C2CD3: variants seen among roughly 807,000 people sequenced by gnomAD.
The protein encoded by C2CD3 is C2 domain-containing protein 3.
C2CD3 carries 148 observed loss-of-function variants against 234.0 expected under a neutral mutation model. The observed-to-expected ratio is 0.63, with a 90% confidence interval of 0.55 to 0.72. The LOEUF (loss-of-function observed/expected upper bound fraction) is 0.72. Among genes scored for constraint, C2CD3 ranks in the 30% least tolerant of loss-of-function variants. The pLI, the probability that C2CD3 is intolerant of heterozygous loss-of-function variation, is 0.00. For synonymous variants in C2CD3, 1,000 were observed against 1,035.4 expected (o/e 0.97, Z 0.66); for missense variants, 2,577 against 2,811.5 (o/e 0.92, Z 1.89).
Position 74,114,359 on chromosome 11 carries a change from T to C in C2CD3, c.1730+25A>G, listed in dbSNP as rs751838784. The C allele has an allele frequency of 3.9e-6, 6 of 1,550,778 alleles. No homozygotes were observed. The South Asian group carries it at 5.6e-5, about 15-fold the overall frequency. On this transcript the variant is annotated intron_variant, in intron 10 of 32. Transcript: ENST00000334126. ...ACACACTTTCCAAAAATGTCAAATT[T>C]AGCTTTCTCATGTTAGAGACATACC... is the stretch of plus-strand genomic sequence containing the variant.
At chr11:74,113,530 A>G (rs985015691) in intron 11 of C2CD3, 2 of 427,166 alleles carry the variant, frequency 4.7e-6, no homozygotes, top group East Asian at 1.0e-4. Context: ...AAATACAAAA[A>G]TTAGCTGGGT....
At chr11:74,140,464 C>T (rs929999191) in intron 3 of C2CD3, among the ~76,000 whole-genome samples, 2 of 152,086 alleles carry the variant, frequency 1.3e-5, no homozygotes, top group Non-Finnish European at 2.9e-5. Flanking sequence ...TACTACAGGC[C>T]AGTAACTGTG....
intron 30 of C2CD3, chr11:74,036,601 C>G (rs1240792948): frequency 2.3e-6 from 1 of 432,870 alleles, no homozygotes; most frequent in Non-Finnish European, 4.6e-6. Flanking sequence ...ACACATTTCG[C>G]TCAAGCAAAA....
At chr11:74,035,548 T>C (rs1952699048) in intron 30 of C2CD3, among the ~76,000 whole-genome samples, 1 of 152,184 alleles carries the variant, frequency 6.6e-6, no homozygotes, top group Admixed American at 6.5e-5. Context: ...CTGAATCATG[T>C]TGTATCTCTA....
At chr11:74,065,554 T>C (rs531154039) in intron 24 of C2CD3, among the ~76,000 whole-genome samples, 3 of 152,268 alleles carry the variant, frequency 2.0e-5, no homozygotes, top group African/African-American at 7.2e-5. Flanking sequence ...CCAGCCATCC[T>C]ATTACTGGGT....
chr11:74,027,365 C>T (rs1030028030), intron 32 of C2CD3, among the ~76,000 whole-genome samples: 24 of 152,208 alleles, frequency 1.6e-4, no homozygotes, highest in Admixed American at 5.2e-4. Context: ...ACCTTGTCCT[C>T]CCAAAGTGCT....
At chr11:74,054,190 T>G (rs530326249) in intron 26 of C2CD3, among the ~76,000 whole-genome samples, 12 of 148,992 alleles carry the variant, frequency 8.1e-5, no homozygotes, top group African/African-American at 3.0e-4. Flanking sequence ...GAGAATGGCG[T>G]GAACCTGGGA....
Position 74,093,869 on chromosome 11 carries a change from G to C in C2CD3, c.3291C>G (p.Phe1097Leu). The change falls in exon 18 of 33, where the codon TTC becomes TTG. Residue 1097 changes from phenylalanine (F) to leucine (L), a missense_variant. Physicochemically the swap from Phe to Leu is conservative, Grantham distance 22. Transcript: ENST00000334126. ...CTCCAGGCACGAGGCCCTGTGCAGAGAAAGCACTTAGTAGGAGCCTTTGCA... is the reference window on the plus strand; with the variant it reads ...CTCCAGGCACGAGGCCCTGTGCAGACAAAGCACTTAGTAGGAGCCTTTGCA... ...VPVQRLLLSA[F>L]SAQGLVPGGG... 2 of 1,614,106 alleles carry C rather than the reference G, an allele frequency of 1.2e-6. No individual in the cohort carries two copies. The highest frequency in any genetic ancestry group is 1.7e-6 in the Non-Finnish European group (2 of 1,179,972).
At chr11:74,156,734 C>T (rs566996323) in intron 3 of C2CD3, among the ~76,000 whole-genome samples, 1 of 152,328 alleles carries the variant, frequency 6.6e-6, no homozygotes, top group South Asian at 2.1e-4. Flanking sequence ...TTTTGGAAGG[C>T]CAAGGCAGGC....
chr11:74,076,013 TG>T (rs1955021273), intron 23 of C2CD3, among the ~76,000 whole-genome samples: 1 of 152,262 alleles, frequency 6.6e-6, no homozygotes, highest in African/African-American at 2.4e-5. Flanking sequence ...AAGAAGTATT[TG>T]TGCTTGAGTT....
chr11:74,015,126 C>G (rs1284318398), intron 32 of C2CD3, among the ~76,000 whole-genome samples: 2 of 152,232 alleles, frequency 1.3e-5, no homozygotes, highest in South Asian at 4.1e-4. Context: ...CAGCCTCTGC[C>G]TGTTGCTCTC....
chr11:74,094,617 G>A (rs1956038423), intron 17 of C2CD3, among the ~76,000 whole-genome samples: 2 of 152,152 alleles, frequency 1.3e-5, no homozygotes, highest in South Asian at 4.1e-4. Context: ...AGGAGGCAGT[G>A]AGAAGCTTCC....
chr11:74,135,432 C>G (rs1957829603), intron 5 of C2CD3, among the ~76,000 whole-genome samples: 1 of 152,088 alleles, frequency 6.6e-6, no homozygotes, highest in Admixed American at 6.5e-5. Flanking sequence ...CTTGCCCGGA[C>G]TTGCAGATGT....
chr11:74,122,785 C>T (rs543025199), intron 8 of C2CD3, among the ~76,000 whole-genome samples: 5 of 152,280 alleles, frequency 3.3e-5, no homozygotes, highest in East Asian at 3.9e-4. Flanking sequence ...TACTTATTTG[C>T]TATATGTTCT....
chr11:74,095,299 T>C lies in C2CD3; in HGVS notation c.3089A>G (p.Tyr1030Cys), dbSNP rs1249712867. Residue 1030 changes from tyrosine (Y) to cysteine (C), a missense_variant, in exon 17 of 33, where the codon TAT becomes TGT. Tyr to Cys is a radical substitution (Grantham distance 194). Transcript: ENST00000334126. ...QATVWGEADC[Y>C]VQYYFPVQHS... ...TTGAACTGGAAAGTAGTACTGGACA[T>C]AACAATCTGCTTCTCCCCAGACTGT... 5.6e-6 allele frequency: 9 copies of C among 1,613,686 alleles called. No individual in the cohort carries two copies. In the Admixed American group the frequency reaches 1.5e-4, roughly 27 times the overall value.
chr11:74,158,694 C>A (rs1856213709), intron 3 of C2CD3, among the ~76,000 whole-genome samples: 1 of 150,670 alleles, frequency 6.6e-6, no homozygotes, highest in Admixed American at 6.6e-5. Context: ...TGCACTCCAA[C>A]CTGTACAACA....
chr11:74,082,102 A>G (rs879741012), intron 22 of C2CD3, among the ~76,000 whole-genome samples: 12 of 151,018 alleles, frequency 7.9e-5, no homozygotes, highest in Non-Finnish European at 1.6e-4. Context: ...TTGCCCATTC[A>G]GTATGATACT....
Position 74,163,655 on chromosome 11 carries a change from TTG to T in C2CD3, c.326-2101_326-2100del, listed in dbSNP as rs368230811. 8.4e-3 allele frequency among the ~76,000 whole-genome samples: 1,277 copies of T among 152,284 alleles called. 10 individuals are homozygous for T. The highest frequency in any genetic ancestry group is 0.028 in the African/African-American group (1,178 of 41,552). ...GTGTTTGCTTCCCCTTCTGCCATGA[TTG>T]TAAGTTTCCTGAGGCCTCCCCAGCC... On this transcript the variant is annotated intron_variant, in intron 2 of 32. Transcript: ENST00000334126.
chr11:74,058,740 CAG>C (rs1305352553), intron 24 of C2CD3, among the ~76,000 whole-genome samples: 1 of 151,926 alleles, frequency 6.6e-6, no homozygotes, highest in African/African-American at 2.4e-5. Context: ...TGTCTTAAGA[CAG>C]TGTAAAATGA....
Sources: allele counts gnomAD v4.1 joint callset (sites outside exome capture counted in the v4.1 genomes callset), GRCh38; gene constraint gnomAD v4.1.1; transcripts MANE v1.5; gene names NCBI Gene and HGNC (gene_info 2026-07-23, HGNC 2026-07-21).